Variants in ASIP observed in about 807,000 individuals in gnomAD.
The protein encoded by ASIP is agouti signaling protein, also known as agouti-signaling protein.
ASIP carries 11 observed loss-of-function variants against 10.3 expected under a neutral mutation model. The observed-to-expected ratio is 1.07, with a 90% confidence interval of 0.68 to 1.78. The LOEUF (loss-of-function observed/expected upper bound fraction) is 1.78. ASIP is among the 40% of genes most tolerant of loss of function. The pLI is 0.00. For synonymous variants in ASIP, 70 were observed against 70.8 expected (o/e 0.99, Z 0.06); for missense variants, 180 against 169.2 (o/e 1.06, Z -0.35).
chr20:34,251,871 A>G (rs945143584), intron 1 of ASIP, among the ~76,000 whole-genome samples: 7 of 152,198 alleles, frequency 4.6e-5, no homozygotes. Context: ...CTCACTAGAT[A>G]TCGAATCTGC....
chr20:34,216,434 ATAAATTTTC>A (rs2035009549), intron 1 of ASIP, among the ~76,000 whole-genome samples: 1 of 152,250 alleles, frequency 6.6e-6, no homozygotes, highest in Non-Finnish European at 1.5e-5. Context: ...AAGCAAAAAA[ATAAATTTTC>A]TTGAAGTCCA....
At chr20:34,203,454 G>T (rs188579054) in intron 1 of ASIP, among the ~76,000 whole-genome samples, 219 of 151,962 alleles carry the variant, frequency 1.4e-3, no homozygotes, top group African/African-American at 5.1e-3. Flanking sequence ...CTGGAGTGCA[G>T]TGGCATGATT....
intron 1 of ASIP, among the ~76,000 whole-genome samples, chr20:34,246,820 A>G (rs1481107985): frequency 1.3e-5 from 2 of 152,012 alleles, no homozygotes; most frequent in African/African-American, 4.8e-5. Flanking sequence ...GATTAACTCC[A>G]ATTCCCACAA....
chr20:34,206,313 A>T (rs939628942), intron 1 of ASIP, among the ~76,000 whole-genome samples: 1 of 152,098 alleles, frequency 6.6e-6, no homozygotes, highest in African/African-American at 2.4e-5. Flanking sequence ...GTATTTTTGT[A>T]TTCATTAACC....
chr20:34,214,544 G>A lies in ASIP; in HGVS notation c.-11+19784G>A, dbSNP rs879027358. The A allele has an allele frequency of 9.0e-5, 135 of 1,501,454 alleles. No individual in the cohort carries two copies. In the African/African-American group the frequency reaches 9.2e-4, roughly 10 times the overall value. The allele number at this position is 1,501,454 out of a possible 1,614,324, so 93.0% of individuals were successfully genotyped here. On this transcript the variant is annotated intron_variant, in intron 1 of 3. Transcript: ENST00000568305. ...ATTGCTACTTCAACTTCCATGAACCGTGTAGTCTGCCAATTCTGCAGTGTA... is the reference window on the plus strand; with the variant it reads ...ATTGCTACTTCAACTTCCATGAACCATGTAGTCTGCCAATTCTGCAGTGTA...
intron 2 of ASIP, among the ~76,000 whole-genome samples, chr20:34,261,043 A>G (rs1051426587): frequency 3.9e-5 from 6 of 152,348 alleles, no homozygotes; most frequent in African/African-American, 1.2e-4. Context: ...GTCTTTATTC[A>G]TATTTCACAG....
intron 1 of ASIP, among the ~76,000 whole-genome samples, chr20:34,204,750 G>C (rs1271963961): frequency 6.6e-6 from 1 of 152,202 alleles, no homozygotes; most frequent in African/African-American, 2.4e-5. Context: ...AACATTAACA[G>C]ATGGTGAATT....
intron 1 of ASIP, among the ~76,000 whole-genome samples, chr20:34,232,910 G>T (rs1399489698): frequency 6.6e-6 from 1 of 152,144 alleles, no homozygotes; most frequent in African/African-American, 2.4e-5. Flanking sequence ...CTATTTGCCA[G>T]GTTGCAGTGC....
intron 3 of ASIP, among the ~76,000 whole-genome samples, chr20:34,268,455 C>T (rs1217460722): frequency 6.6e-6 from 1 of 152,114 alleles, no homozygotes; most frequent in Non-Finnish European, 1.5e-5. Flanking sequence ...CGGTGGCTCA[C>T]GCCTGTAATG....
At chr20:34,230,819 G>A in intron 1 of ASIP, among the ~76,000 whole-genome samples, 1 of 35,548 alleles carries the variant, frequency 2.8e-5, no homozygotes, top group Non-Finnish European at 4.6e-5. Flanking sequence ...GGGCGGAGAC[G>A]CTCCTCACTT....
At chr20:34,222,734 C>T (rs1395798121) in intron 1 of ASIP, among the ~76,000 whole-genome samples, 1 of 152,058 alleles carries the variant, frequency 6.6e-6, no homozygotes, top group Non-Finnish European at 1.5e-5. Context: ...ACTGCAACCT[C>T]CCTGCCTGAT....
the ASIP span, among the ~76,000 whole-genome samples, chr20:34,188,286 C>CT: frequency 6.6e-6 from 1 of 152,240 alleles, no homozygotes; most frequent in South Asian, 2.1e-4. Flanking sequence ...CATTAGCCTG[C>CT]TTTCAGCCCT....
At chr20:34,233,096 C>T (rs1018320427) in intron 1 of ASIP, among the ~76,000 whole-genome samples, 7 of 151,508 alleles carry the variant, frequency 4.6e-5, no homozygotes, top group Admixed American at 4.6e-4. Context: ...TCCCCACTCA[C>T]ACCAACATTT....
At chr20:34,220,089 TA>T (rs555088035) in intron 1 of ASIP, among the ~76,000 whole-genome samples, 79 of 143,322 alleles carry the variant, frequency 5.5e-4, no homozygotes, top group South Asian at 1.6e-3. Flanking sequence ...GACTCCATCT[TA>T]AAAAAAAAAA....
At chr20:34,215,469 C>T in intron 1 of ASIP, 1 of 1,526,644 alleles carries the variant, frequency 6.6e-7, no homozygotes, top group South Asian at 1.1e-5. Flanking sequence ...TTCGCAGGTA[C>T]AGATCTACTC....
chr20:34,246,634 T>C (rs1182477562), intron 1 of ASIP: 1 of 594,192 alleles, frequency 1.7e-6, no homozygotes, highest in African/African-American at 1.8e-5. Flanking sequence ...TTTTTTGTAT[T>C]TTTGGTAGAG....
At chr20:34,265,976 G>A (rs2035777879) in intron 3 of ASIP, among the ~76,000 whole-genome samples, 1 of 151,512 alleles carries the variant, frequency 6.6e-6, no homozygotes, top group South Asian at 2.1e-4. Context: ...AGGGGGGGAA[G>A]TTAAAACATT....
At position 34,215,822 on chromosome 20, in the gene ASIP, T is replaced by A; in HGVS notation, c.-11+21062T>A. 6 of 1,517,204 alleles carry A rather than the reference T, an allele frequency of 4.0e-6. No homozygotes were observed. In the South Asian group the frequency reaches 6.7e-5, roughly 17 times the overall value. The allele number at this position is 1,517,204 out of a possible 1,614,324, so 94.0% of individuals were successfully genotyped here. A position where few individuals can be genotyped will look rare whatever the true frequency, so the allele number is the denominator to read the frequency against. ...TGGGGAAATCTTTAACTGCTCAAAA[T>A]AGGCCAGGGCCCTTAGTCTAAAGTC... On this transcript the variant is annotated intron_variant, in intron 1 of 3. Transcript: ENST00000568305.
chr20:34,234,555 T>C (rs1394268391), intron 1 of ASIP, among the ~76,000 whole-genome samples: 2 of 152,064 alleles, frequency 1.3e-5, no homozygotes, highest in East Asian at 3.8e-4. Context: ...CCTCACTCTG[T>C]TGCCCAAGTG....
Sources: allele counts gnomAD v4.1 joint callset (sites outside exome capture counted in the v4.1 genomes callset), GRCh38; gene constraint gnomAD v4.1.1; transcripts MANE v1.5; gene names NCBI Gene and HGNC (gene_info 2026-07-23, HGNC 2026-07-21).